Variants in LRFN5 observed in about 807,000 individuals in gnomAD.
The protein encoded by LRFN5 is leucine rich repeat and fibronectin type III domain containing 5, also known as leucine-rich repeat and fibronectin type-III domain-containing protein 5.
A neutral mutation model predicts 45.6 loss-of-function variants in LRFN5; 24 were observed. The ratio of observed to expected loss-of-function variants is 0.53; its 90% CI spans 0.38 to 0.74. LRFN5 has a LOEUF of 0.74. Among genes scored for constraint, LRFN5 ranks in the 30% least tolerant of loss-of-function variants. The pLI is 0.00. For missense variants in LRFN5, 776 were observed against 861.5 expected (o/e 0.90, Z 1.24); for synonymous variants, 340 against 313.8 (o/e 1.08, Z -0.88).
At chr14:41,846,706 C>T (rs1249039382) in intron 2 of LRFN5, among the ~76,000 whole-genome samples, 1 of 152,026 alleles carries the variant, frequency 6.6e-6, no homozygotes, top group East Asian at 1.9e-4. Flanking sequence ...TTAGCTAAAC[C>T]CCAGGTGTGA....
chr14:41,780,148 AT>A (rs909925301), intron 2 of LRFN5, among the ~76,000 whole-genome samples: 2 of 151,634 alleles, frequency 1.3e-5, no homozygotes, highest in East Asian at 1.9e-4. Context: ...TTTAGTTAAA[AT>A]TTTTTTTAAG....
In LRFN5 at chr14:41,823,177, T is replaced by G. The variant is rs542694810; in HGVS notation, c.-21+56148T>G. Among the ~76,000 whole-genome samples the G allele has an allele frequency of 3.9e-5, 6 of 152,206 alleles. 1 individual carries two copies. In the South Asian group the frequency reaches 1.2e-3, roughly 32 times the overall value. ...TGACTTATTGTTTCTGTCATAATGT[T>G]AAGTGTTACCTAGTTGTTTTGTACT... On this transcript the variant is annotated intron_variant, in intron 2 of 5. Transcript: ENST00000298119.
At chr14:41,712,095 G>C (rs1883308230) in intron 1 of LRFN5, among the ~76,000 whole-genome samples, 1 of 152,148 alleles carries the variant, frequency 6.6e-6, no homozygotes, top group South Asian at 2.1e-4. Flanking sequence ...ACAAGAAGTG[G>C]AGGTAATATC....
intron 1 of LRFN5, among the ~76,000 whole-genome samples, chr14:41,639,783 T>C (rs966429335): frequency 4.0e-5 from 6 of 151,872 alleles, no homozygotes; most frequent in African/African-American, 1.5e-4. Flanking sequence ...AATTAACTAG[T>C]TAATGTATTT....
At chr14:41,808,499 AAGGAAGGAAGGG>A (rs1323267952) in intron 2 of LRFN5, among the ~76,000 whole-genome samples, 1 of 117,784 alleles carries the variant, frequency 8.5e-6, no homozygotes, top group Non-Finnish European at 1.7e-5. Flanking sequence ...GTGGCCAGAC[AAGGAAGGAAGGG>A]AGGAAGGAAG....
At chr14:41,674,402 A>G (rs1426243484) in intron 1 of LRFN5, among the ~76,000 whole-genome samples, 1 of 126,388 alleles carries the variant, frequency 7.9e-6, no homozygotes. Context: ...TCCCTCCCGG[A>G]CGGGGCGGCT....
At chr14:41,781,240 G>A (rs989207508) in intron 2 of LRFN5, among the ~76,000 whole-genome samples, 5 of 152,040 alleles carry the variant, frequency 3.3e-5, no homozygotes, top group Non-Finnish European at 5.9e-5. Context: ...TTAGTTCTAA[G>A]GCCAAGTGTG....
At position 41,750,974 on chromosome 14, in the gene LRFN5, C is replaced by T. The variant is rs182599597; in HGVS notation, c.-196-15880C>T. ...TCTCCTAATGCTATCCCTCCCTCAG[C>T]CCCCTACGTCCCGACAGGCCCCAGT... On this transcript the variant is annotated intron_variant, in intron 1 of 5. Transcript: ENST00000298119. Among the ~76,000 whole-genome samples, 9 of 152,220 alleles carry T rather than the reference C, an allele frequency of 5.9e-5. No individual in the cohort carries two copies. The East Asian group carries it at 1.7e-3, about 29-fold the overall frequency.
chr14:41,793,558 C>G (rs1887011603), intron 2 of LRFN5, among the ~76,000 whole-genome samples: 1 of 151,978 alleles, frequency 6.6e-6, no homozygotes, highest in African/African-American at 2.4e-5. Flanking sequence ...CCACTGCCTC[C>G]TGGTAGGGCA....
chr14:41,770,227 T>C (rs1029887868), intron 2 of LRFN5, among the ~76,000 whole-genome samples: 1 of 152,202 alleles, frequency 6.6e-6, no homozygotes, highest in East Asian at 1.9e-4. Context: ...ACCTCCCACA[T>C]TGGTGATTAC....
chr14:41,629,133 T>C (rs1449186778), intron 1 of LRFN5, among the ~76,000 whole-genome samples: 1 of 152,214 alleles, frequency 6.6e-6, no homozygotes, highest in Non-Finnish European at 1.5e-5. Flanking sequence ...TCTGCAGTTA[T>C]TTATAAGTTC....
chr14:41,793,887 C>T (rs1229754283), intron 2 of LRFN5, among the ~76,000 whole-genome samples: 1 of 152,042 alleles, frequency 6.6e-6, no homozygotes, highest in African/African-American at 2.4e-5. Flanking sequence ...ATGTTCCTTA[C>T]ATACAATATA....
chr14:41,775,696 G>A (rs1594698031), intron 2 of LRFN5, among the ~76,000 whole-genome samples: 1 of 152,184 alleles, frequency 6.6e-6, no homozygotes, highest in Admixed American at 6.5e-5. Context: ...TTGAAAAAAT[G>A]CATTCATTAT....
Position 41,891,560 on chromosome 14 carries a change from G to T in LRFN5, c.1696G>T (p.Val566Phe). Residue 566 changes from valine (V) to phenylalanine (F), a missense_variant, in exon 4 of 6, where the codon GTT (valine) becomes TTT (phenylalanine). Physicochemically the swap from Val to Phe is conservative, Grantham distance 50. Around this residue, in one of 2 missense-constraint regions of LRFN5, gnomAD observed 465 missense variants for 456.4 expected, o/e 1.02. Coordinates refer to ENST00000298119, the MANE Select transcript of LRFN5 (RefSeq NM_152447.5). Reference protein sequence around the residue: ...NNNGQHKVTKVSNVYSQTNGA... With the variant: ...NNNGQHKVTKFSNVYSQTNGA... ...TAATGGGCAACACAAGGTCACCAAGGTTAGCAATGTTTATTCCCAAACTAA... is the reference window on the plus strand; with the variant it reads ...TAATGGGCAACACAAGGTCACCAAGTTTAGCAATGTTTATTCCCAAACTAA... 3 of 1,614,190 alleles carry T rather than the reference G, an allele frequency of 1.9e-6. No homozygotes were observed. Among genetic ancestry groups the T allele is most frequent in the East Asian group, 2.2e-5 (1 of 44,890 alleles).
intron 1 of LRFN5, among the ~76,000 whole-genome samples, chr14:41,627,206 A>G (rs1440125514): frequency 6.6e-6 from 1 of 152,120 alleles, no homozygotes; most frequent in African/African-American, 2.4e-5. Context: ...GGTTTTTATT[A>G]TAATTACAAG....
rs377431783 is a variant in LRFN5 at position 41,853,188 on chromosome 14, T to G, written c.-20-33418T>G. ...TTTCGAAATTTAGAATCCACCTGAA[T>G]TTTTCAAATAAATTGTTCGCTATGT... On this transcript the variant is annotated intron_variant, in intron 2 of 5. Coordinates refer to ENST00000298119, the MANE Select transcript of LRFN5 (RefSeq NM_152447.5). 2.6e-4 allele frequency among the ~76,000 whole-genome samples: 40 copies of G among 152,116 alleles called. No individual in the cohort carries two copies. The East Asian group carries it at 3.3e-3, about 13-fold the overall frequency.
chr14:41,732,601 A>C (rs1484966901), intron 1 of LRFN5, among the ~76,000 whole-genome samples: 5 of 152,170 alleles, frequency 3.3e-5, no homozygotes, highest in African/African-American at 1.2e-4. Context: ...CATAAACAAA[A>C]AATGAAAACA....
intron 1 of LRFN5, among the ~76,000 whole-genome samples, chr14:41,651,964 A>G (rs1173882325): frequency 6.6e-6 from 1 of 152,170 alleles, no homozygotes; most frequent in African/African-American, 2.4e-5. Context: ...TCTTGTATCA[A>G]TACCAGTCAG....
intron 1 of LRFN5, chr14:41,733,426 A>G (rs1566642375): frequency 1.3e-5 from 2 of 151,670 alleles, no homozygotes; most frequent in Non-Finnish European, 2.9e-5. Flanking sequence ...AAAAAAAAAA[A>G]TATCAACCAA....
Sources: allele counts gnomAD v4.1 joint callset (sites outside exome capture counted in the v4.1 genomes callset), GRCh38; gene constraint gnomAD v4.1.1; regional missense constraint gnomAD v4.1.1; transcripts MANE v1.5; gene names NCBI Gene and HGNC (gene_info 2026-07-23, HGNC 2026-07-21).